KCNIP4: variants seen among roughly 807,000 people sequenced by gnomAD.
The protein encoded by KCNIP4 is potassium voltage-gated channel interacting protein 4.
Under a neutral mutation model 34.0 loss-of-function variants are expected in KCNIP4, and 12 were observed. That is an observed-to-expected ratio of 0.35 (90% CI 0.23 to 0.57). The LOEUF (loss-of-function observed/expected upper bound fraction) is 0.57, where lower values mean the gene tolerates loss of function less well. Among genes scored for constraint, KCNIP4 ranks in the 20% least tolerant of loss-of-function variants. The pLI is 0.83. For missense variants in KCNIP4, 238 were observed against 311.7 expected, an observed-to-expected ratio of 0.76 and a Z score of 1.78; for synonymous variants, 124 against 102.2, an observed-to-expected ratio of 1.21 and a Z score of -1.29.
At chr4:20,748,596 ATATATATATTCCATAAGTAAATATAAATG>A (rs1752937736) in intron 5 of KCNIP4, among the ~76,000 whole-genome samples, 1 of 111,768 alleles carries the variant, frequency 8.9e-6, no homozygotes, top group African/African-American at 3.1e-5. Flanking sequence ...ATATATATAT[ATATATATATTCCATAAGTAAATATAAATG>A]TATATATGGA....
chr4:21,535,768 A>T (rs1434505057), intron 1 of KCNIP4, among the ~76,000 whole-genome samples: 1 of 152,116 alleles, frequency 6.6e-6, no homozygotes, highest in African/African-American at 2.4e-5. Context: ...TAATCTCAGG[A>T]TTCTTCATTA....
At chr4:21,216,440 T>G (rs1757582983) in intron 1 of KCNIP4, among the ~76,000 whole-genome samples, 1 of 152,226 alleles carries the variant, frequency 6.6e-6, no homozygotes, top group African/African-American at 2.4e-5. Context: ...AGTAAATTTG[T>G]CATCTTGGGA....
chr4:20,984,076 C>A, intron 1 of KCNIP4: 1 of 1,283,702 alleles, frequency 7.8e-7, no homozygotes, highest in Non-Finnish European at 1.0e-6. Context: ...AAGCCGGCGG[C>A]CCCCCGGGGT....
rs189573305 is a variant in KCNIP4, at chr4:21,317,778, C to G, written c.62-435069G>C. On this transcript the variant is annotated intron_variant, in intron 1 of 8. Coordinates refer to ENST00000382152, the MANE Select transcript of KCNIP4 (RefSeq NM_025221.6). ...AATTGAATCACAGGAGCAGGTCTTTCCCATGCTGTTCTCATGATAGTGAAT... is the reference window on the plus strand; with the variant it reads ...AATTGAATCACAGGAGCAGGTCTTTGCCATGCTGTTCTCATGATAGTGAAT... 6.1e-4 allele frequency among the ~76,000 whole-genome samples: 93 copies of G among 152,218 alleles called. 1 individual carries two copies. Among genetic ancestry groups the G allele is most frequent in the Admixed American group, 4.6e-3 (71 of 15,298 alleles).
intron 1 of KCNIP4, among the ~76,000 whole-genome samples, chr4:21,669,075 A>G (rs1371795951): frequency 6.6e-6 from 1 of 152,110 alleles, no homozygotes; most frequent in Non-Finnish European, 1.5e-5. Flanking sequence ...ATCCACTTTC[A>G]CTTAATGCAT....
chr4:21,738,401 C>G (rs1165789432), intron 1 of KCNIP4, among the ~76,000 whole-genome samples: 2 of 151,970 alleles, frequency 1.3e-5, no homozygotes, highest in Non-Finnish European at 2.9e-5. Context: ...GTTACATGTT[C>G]GAAGTAAATG....
At position 20,768,166 on chromosome 4, in the gene KCNIP4, G is replaced by A. The variant is rs189636296; in HGVS notation, c.289-9276C>T. On this transcript the variant is annotated intron_variant, in intron 3 of 8. Coordinates refer to ENST00000382152, the MANE Select transcript of KCNIP4 (RefSeq NM_025221.6). ...ATACAAGGCAGGGACTAACCTTTACGATGTTTAGAATAGGGAATACTAAAA... is the reference window on the plus strand; with the variant it reads ...ATACAAGGCAGGGACTAACCTTTACAATGTTTAGAATAGGGAATACTAAAA... Among the ~76,000 whole-genome samples the A allele has an allele frequency of 5.3e-5, 8 of 152,226 alleles. No individual in the cohort carries two copies. In the East Asian group the frequency reaches 1.5e-3, roughly 29 times the overall value.
intron 1 of KCNIP4, among the ~76,000 whole-genome samples, chr4:20,944,969 T>C (rs534998273): frequency 2.6e-5 from 4 of 152,304 alleles, no homozygotes; most frequent in South Asian, 4.1e-4. Context: ...AAAATAAGAA[T>C]GTACCTGGGA....
chr4:21,272,183 C>T (rs1762190817), intron 1 of KCNIP4, among the ~76,000 whole-genome samples: 2 of 152,076 alleles, frequency 1.3e-5, no homozygotes, highest in Non-Finnish European at 2.9e-5. Context: ...TCTCTGCCTT[C>T]GTTTCATCAT....
At chr4:21,323,084 A>G (rs1011547812) in intron 1 of KCNIP4, among the ~76,000 whole-genome samples, 8 of 151,182 alleles carry the variant, frequency 5.3e-5, no homozygotes, top group Admixed American at 4.0e-4. Context: ...ATTTTCATCA[A>G]ATGTTGAAGT....
intron 1 of KCNIP4, among the ~76,000 whole-genome samples, chr4:21,073,565 A>C (rs1745181317): frequency 6.6e-6 from 1 of 152,190 alleles, no homozygotes; most frequent in South Asian, 2.1e-4. Context: ...CGAAATATAC[A>C]ATCATGTCAT....
intron 1 of KCNIP4, among the ~76,000 whole-genome samples, chr4:20,916,567 A>G (rs1728833193): frequency 6.6e-6 from 1 of 152,142 alleles, no homozygotes; most frequent in Admixed American, 6.5e-5. Context: ...TTTAATTGGT[A>G]GCCCTTAGCA....
chr4:21,102,036 T>C (rs1747993248), intron 1 of KCNIP4, among the ~76,000 whole-genome samples: 1 of 152,160 alleles, frequency 6.6e-6, no homozygotes, highest in Non-Finnish European at 1.5e-5. Context: ...ATGAGCCTGG[T>C]GATTCACCCT....
chr4:21,178,076 A>C (rs2109314134), intron 1 of KCNIP4, among the ~76,000 whole-genome samples: 1 of 152,204 alleles, frequency 6.6e-6, no homozygotes, highest in Non-Finnish European at 1.5e-5. Context: ...AACCTACTTC[A>C]GCTACAAATC....
intron 3 of KCNIP4, among the ~76,000 whole-genome samples, chr4:20,767,931 C>T (rs2149374797): frequency 6.6e-6 from 1 of 152,338 alleles, no homozygotes; most frequent in Admixed American, 6.5e-5. Flanking sequence ...AACTCTCACA[C>T]CCATCTCTGG....
intron 1 of KCNIP4, among the ~76,000 whole-genome samples, chr4:21,149,682 C>T (rs1752621870): frequency 6.6e-6 from 1 of 152,114 alleles, no homozygotes; most frequent in African/African-American, 2.4e-5. Flanking sequence ...AGGAAGGAAG[C>T]TTTGGTTACG....
chr4:20,919,306 C>T (rs1209386942), intron 1 of KCNIP4, among the ~76,000 whole-genome samples: 5 of 151,792 alleles, frequency 3.3e-5, no homozygotes, highest in South Asian at 2.1e-4. Flanking sequence ...AGGTATTCCA[C>T]GAATGTGTGT....
intron 1 of KCNIP4, among the ~76,000 whole-genome samples, chr4:20,985,976 A>G (rs183566112): frequency 6.6e-6 from 1 of 152,144 alleles, no homozygotes; most frequent in African/African-American, 2.4e-5. Flanking sequence ...TCTTGGTTTA[A>G]AATGGGAATG....
intron 1 of KCNIP4, among the ~76,000 whole-genome samples, chr4:21,735,894 C>G (rs1003137927): frequency 2.0e-5 from 3 of 152,188 alleles, no homozygotes; most frequent in African/African-American, 7.2e-5. Flanking sequence ...GAGCTCTTCA[C>G]CTATTTTCTA....
Sources: allele counts gnomAD v4.1 joint callset (sites outside exome capture counted in the v4.1 genomes callset), GRCh38; gene constraint gnomAD v4.1.1; transcripts MANE v1.5; gene names NCBI Gene and HGNC (gene_info 2026-07-23, HGNC 2026-07-21).